Variants in TRIM71 observed in about 807,000 individuals in gnomAD.
TRIM71 encodes E3 ubiquitin-protein ligase TRIM71.
TRIM71 carries 9 observed loss-of-function variants against 61.2 expected under a neutral mutation model. The observed-to-expected ratio is 0.15, with a 90% CI of 0.09 to 0.26. The LOEUF is 0.26. Ranked by LOEUF, TRIM71 falls within the 10% of genes least tolerant of loss-of-function variation. The pLI, the probability that TRIM71 is intolerant of heterozygous loss-of-function variation, is 1.00. For synonymous variants in TRIM71, 645 were observed against 553.2 expected (o/e 1.17, Z -2.33); for missense variants, 998 against 1,238.7 (o/e 0.81, Z 2.92).
chr3:32,857,746 G>C (rs1183867529), intron 1 of TRIM71, among the ~76,000 whole-genome samples: 2 of 152,206 alleles, frequency 1.3e-5, no homozygotes, highest in Non-Finnish European at 2.9e-5. Context: ...CGACGCAGGT[G>C]GATCACTTGA....
At chr3:32,860,195 G>C (rs1423310414) in intron 1 of TRIM71, among the ~76,000 whole-genome samples, 1 of 128,538 alleles carries the variant, frequency 7.8e-6, no homozygotes, top group Admixed American at 9.8e-5. Context: ...TTTCACTCTT[G>C]TCAACCAGGC....
chr3:32,835,602 GTA>G (rs1696325576), intron 1 of TRIM71, among the ~76,000 whole-genome samples: 2 of 152,310 alleles, frequency 1.3e-5, no homozygotes, highest in South Asian at 2.1e-4. Flanking sequence ...ATTTTTCTGA[GTA>G]TGTTTATGCC....
At chr3:32,839,415 A>G (rs945489566) in intron 1 of TRIM71, among the ~76,000 whole-genome samples, 13 of 151,746 alleles carry the variant, frequency 8.6e-5, no homozygotes, top group Admixed American at 2.0e-4. Context: ...ATTTTTAGTT[A>G]GATACAGGGT....
At chr3:32,836,287 T>G (rs1696332941) in intron 1 of TRIM71, among the ~76,000 whole-genome samples, 1 of 152,204 alleles carries the variant, frequency 6.6e-6, no homozygotes. Context: ...GTCCTGTTGT[T>G]TTACTCTTCA....
rs142763085 is a variant in TRIM71 at position 32,845,127 on chromosome 3, CCTGGAGGCTTTCCAGGTACCTGT to C, written c.852+26201_852+26223del. 7.7e-3 allele frequency among the ~76,000 whole-genome samples: 1,175 copies of C among 152,274 alleles called. 30 individuals are homozygous for C. The highest frequency in any genetic ancestry group is 0.027 in the African/African-American group (1,127 of 41,534). On this transcript the variant is annotated intron_variant, in intron 1 of 3. Coordinates refer to ENST00000383763, the MANE Select transcript of TRIM71 (RefSeq NM_001039111.3). ...TCTAAATGGAGCTGAACAGGAGCCA[CCTGGAGGCTTTCCAGGTACCTGT>C]CTGGATTGTATAAAAACAGCTAATG...
intron 1 of TRIM71, among the ~76,000 whole-genome samples, chr3:32,828,997 A>T (rs1436555963): frequency 1.4e-5 from 2 of 138,722 alleles, no homozygotes; most frequent in East Asian, 2.2e-4. Flanking sequence ...GAAAGCACTA[A>T]TTTTTTTTTT....
At chr3:32,832,103 G>T (rs1209086764) in intron 1 of TRIM71, among the ~76,000 whole-genome samples, 1 of 152,062 alleles carries the variant, frequency 6.6e-6, no homozygotes, top group African/African-American at 2.4e-5. Context: ...ATTGTGGTGG[G>T]GGGGGATTCT....
chr3:32,836,429 T>C (rs1047354050), intron 1 of TRIM71, among the ~76,000 whole-genome samples: 1 of 152,258 alleles, frequency 6.6e-6, no homozygotes, highest in Non-Finnish European at 1.5e-5. Context: ...TGTAGGCATT[T>C]TGGATAAATA....
chr3:32,878,915 A>G (rs1188805469), intron 2 of TRIM71, among the ~76,000 whole-genome samples: 2 of 152,202 alleles, frequency 1.3e-5, no homozygotes, highest in African/African-American at 4.8e-5. Flanking sequence ...ATATAAGACT[A>G]TGTCTTTCCA....
intron 1 of TRIM71, among the ~76,000 whole-genome samples, chr3:32,825,859 T>A (rs767920611): frequency 6.6e-6 from 1 of 152,110 alleles, no homozygotes; most frequent in Non-Finnish European, 1.5e-5. Context: ...ACCTCCTGCT[T>A]GTTCAATACT....
At chr3:32,885,531 G>A (rs975206239) in intron 2 of TRIM71, among the ~76,000 whole-genome samples, 11 of 152,168 alleles carry the variant, frequency 7.2e-5, no homozygotes, top group African/African-American at 2.7e-4. Context: ...CCTGGCCTGC[G>A]GGGTTTCGCC....
intron 1 of TRIM71, among the ~76,000 whole-genome samples, chr3:32,869,314 T>C (rs1353172343): frequency 1.3e-5 from 2 of 152,256 alleles, no homozygotes; most frequent in Non-Finnish European, 2.9e-5. Flanking sequence ...GATACCAAAC[T>C]AATCTTTAAA....
At chr3:32,842,874 A>G (rs1297404896) in intron 1 of TRIM71, among the ~76,000 whole-genome samples, 1 of 152,084 alleles carries the variant, frequency 6.6e-6, no homozygotes, top group African/African-American at 2.4e-5. Context: ...TGGGAGTTTT[A>G]TGGGCCTCTG....
chr3:32,876,455 G>T (rs553366421), intron 2 of TRIM71, among the ~76,000 whole-genome samples: 2 of 152,150 alleles, frequency 1.3e-5, no homozygotes, highest in South Asian at 4.2e-4. Context: ...ATGGTGGCAG[G>T]CACCTGTAAT....
At chr3:32,857,835 G>A (rs1006207824) in intron 1 of TRIM71, among the ~76,000 whole-genome samples, 2 of 152,180 alleles carry the variant, frequency 1.3e-5, no homozygotes, top group Admixed American at 6.5e-5. Context: ...GCCGGGTGTG[G>A]TAGTGGGTGC....
intron 1 of TRIM71, among the ~76,000 whole-genome samples, chr3:32,867,219 G>A (rs1449864001): frequency 1.3e-5 from 2 of 150,612 alleles, no homozygotes; most frequent in Non-Finnish European, 2.9e-5. Flanking sequence ...TATATTGCTT[G>A]TTTAGCCTGG....
intron 1 of TRIM71, among the ~76,000 whole-genome samples, chr3:32,825,345 G>A (rs1448831543): frequency 6.6e-6 from 1 of 152,098 alleles, no homozygotes; most frequent in African/African-American, 2.4e-5. Flanking sequence ...GGTAAAACGT[G>A]TTTATAAATT....
At chr3:32,864,284 C>T (rs771513432) in intron 1 of TRIM71, among the ~76,000 whole-genome samples, 8 of 152,206 alleles carry the variant, frequency 5.3e-5, no homozygotes, top group Non-Finnish European at 1.0e-4. Flanking sequence ...ATTTTCTAAG[C>T]TGTCACTGAG....
intron 1 of TRIM71, among the ~76,000 whole-genome samples, chr3:32,869,485 TC>T (rs1696773930): frequency 6.6e-6 from 1 of 152,186 alleles, no homozygotes; most frequent in Non-Finnish European, 1.5e-5. Context: ...GTGTGTGTGT[TC>T]CTTGTTGGGC....
Sources: allele counts gnomAD v4.1 joint callset (sites outside exome capture counted in the v4.1 genomes callset), GRCh38; gene constraint gnomAD v4.1.1; transcripts MANE v1.5; gene names NCBI Gene and HGNC (gene_info 2026-07-23, HGNC 2026-07-21).